The following CNTROB variants were observed in gnomAD, a reference collection of about 807,000 sequenced individuals.
CNTROB encodes centrobin, centriole duplication and spindle assembly protein.
Under a neutral mutation model 115.7 loss-of-function variants are expected in CNTROB, and 82 were observed. The ratio of observed to expected loss-of-function variants is 0.71; its 90% CI spans 0.59 to 0.85. The LOEUF (loss-of-function observed/expected upper bound fraction) is 0.85, where lower values mean the gene tolerates loss of function less well. CNTROB is among the 40% of genes least tolerant of loss of function. CNTROB has a pLI of 0.00. For synonymous variants in CNTROB, 439 were observed against 456.4 expected (o/e 0.96, Z 0.49); for missense variants, 1,014 against 1,144.4 (o/e 0.89, Z 1.64).
In CNTROB at chr17:7,936,816, AGGT is replaced by A. The variant is rs1429025030; in HGVS notation, c.828+1_828+3del. 1.7e-6 allele frequency: 2 copies of A among 1,203,752 alleles called. No homozygotes were observed. The highest frequency in any genetic ancestry group is 3.4e-5 in the Admixed American group (2 of 59,532). 74.6% of individuals were successfully genotyped at this position (1,203,752 alleles called of 1,614,324 possible). A position where few individuals can be genotyped will look rare whatever the true frequency, so the allele number is the denominator to read the frequency against. On this transcript the variant is annotated splice_donor_variant and coding_sequence_variant, in exon 6 of 19. Transcript: ENST00000563694. LOFTEE classifies it high-confidence loss of function. ...GAGCTCACCAGAAGCAAGCAGCAGG[AGGT>A]GAGCGCCCTGGAGCATATGGCATTA...
In CNTROB at chr17:7,949,144, T is replaced by TC; in HGVS notation, c.2578dup (p.Arg860ProfsTer20). 1 of 1,613,692 alleles carries TC rather than the reference T, an allele frequency of 6.2e-7. No individual in the cohort carries two copies. The highest frequency in any genetic ancestry group is 8.5e-7 in the Non-Finnish European group (1 of 1,179,898). On this transcript the variant is annotated frameshift_variant, in exon 18 of 19. Coordinates refer to ENST00000563694, the MANE Select transcript of CNTROB (RefSeq NM_053051.5). LOFTEE classifies it high-confidence loss of function. ...AACACAGACTCCCGCTTGGGTGAGATCCCCCGGAAAGAGGTGAGGGAAAGT... is the reference window on the plus strand; with the variant it reads ...AACACAGACTCCCGCTTGGGTGAGATCCCCCCGGAAAGAGGTGAGGGAAAGT...
chr17:7,949,282 C>T (rs1160658687), intron 18 of CNTROB, 103 bp from the exon 19 acceptor site: 5 of 1,583,248 alleles, frequency 3.2e-6, no homozygotes, highest in Non-Finnish European at 3.5e-6. Flanking sequence ...GCCTTTCCTC[C>T]CTGCAGACTC....
Position 7,944,545 on chromosome 17 carries a change from G to A in CNTROB, c.1641G>A (p.Val547=), listed in dbSNP as rs1271008392. The A allele has an allele frequency of 5.0e-6, 8 of 1,614,048 alleles. No individual in the cohort carries two copies. The highest frequency in any genetic ancestry group is 1.3e-5 in the African/African-American group (1 of 74,930). The change falls in exon 12 of 19, where the codon GTG becomes GTA. Residue 547 remains valine (V), a synonymous_variant. Transcript: ENST00000563694. This position sits in a 1 kb window ranked among gnomAD's most constrained non-coding sequence, Gnocchi z 4.0. ...SGNQQLEEQR[V]ELVERLQAML... ...ACCAGCAGCTGGAGGAGCAGCGGGT[G>A]GAGCTGGTGGAAAGACTGCAGGCCA...
intron 4 of CNTROB, chr17:7,935,991 C>G (rs993272795): frequency 5.3e-6 from 1 of 187,058 alleles, no homozygotes; most frequent in African/African-American, 2.4e-5. Context: ...AAGGCTTTCC[C>G]CTTTATCCTT....
At chr17:7,942,329 G>A (rs12950912) in intron 9 of CNTROB, among the ~76,000 whole-genome samples, 33,508 of 151,932 alleles carry the variant, frequency 0.22, 4,121 homozygotes, top group East Asian at 0.37. Flanking sequence ...TGGGCCATGC[G>A]CGGTGGCTCA....
rs1974231498 is a variant in CNTROB at position 7,944,108 on chromosome 17, A to G, written c.1446-15A>G. The G allele has an allele frequency of 6.2e-7, 1 of 1,602,308 alleles. No homozygotes were observed. Among genetic ancestry groups the G allele is most frequent in the Non-Finnish European group, 8.5e-7 (1 of 1,169,622 alleles). Reference sequence around the variant, plus strand: ...TCTCCAGTCTCAGGCCTCTTCTCCTACCTGTGCCCTGTAGGAAGCAGCTGC... The same window carrying G: ...TCTCCAGTCTCAGGCCTCTTCTCCTGCCTGTGCCCTGTAGGAAGCAGCTGC... On this transcript the variant is annotated splice_polypyrimidine_tract_variant and intron_variant, in intron 10 of 18. Coordinates refer to ENST00000563694, the MANE Select transcript of CNTROB (RefSeq NM_053051.5). The surrounding 1 kb of genome is among the most constrained non-coding windows in gnomAD (Gnocchi z 4.0).
chr17:7,936,523 A>G, intron 5 of CNTROB, 41 bp downstream of exon 5: 1 of 838,614 alleles, frequency 1.2e-6, no homozygotes, highest in Non-Finnish European at 2.1e-6. Flanking sequence ...CTCCATGAAG[A>G]GCATTAAGGA....
At chr17:7,934,089 G>C (rs772625822) in intron 1 of CNTROB, 49 bp from the exon 2 acceptor site, 3 of 1,489,842 alleles carry the variant, frequency 2.0e-6, no homozygotes, top group Non-Finnish European at 2.8e-6. Flanking sequence ...CAATAGGTAG[G>C]AGATAGATAA....
rs772712290 is a variant in CNTROB at position 7,933,326 on chromosome 17, T to C, written c.247T>C (p.Leu83=). ...ATTGAGTCGAAGCTTGTCAGTCGGA[T>C]TGGAAAAGAACTTGAAGAAAAAGGT... ...QELSRSLSVG[L]EKNLKKKDGS... is the part of the protein sequence containing the mutation. The change falls in exon 1 of 19, where the codon TTG becomes CTG. Residue 83 remains leucine, a synonymous_variant. Transcript: ENST00000563694. The C allele has an allele frequency of 1.9e-6, 3 of 1,613,634 alleles. No homozygotes were observed. In the Admixed American group the frequency reaches 5.0e-5, roughly 27 times the overall value.
At chr17:7,938,745 T>C (rs973525974) in intron 7 of CNTROB, among the ~76,000 whole-genome samples, 6 of 152,196 alleles carry the variant, frequency 3.9e-5, no homozygotes. Context: ...GGAACTCTTA[T>C]CTACTATATT....
Position 7,934,120 on chromosome 17 carries a change from C to T in CNTROB, c.271-18C>T. ...GATAACACAGACTGCATCTGATTTC[C>T]ATGTGGCTTTTTTCCAGGATGGTTC... On this transcript the variant is annotated intron_variant, in intron 1 of 18. Coordinates refer to ENST00000563694, the MANE Select transcript of CNTROB (RefSeq NM_053051.5). The T allele has an allele frequency of 6.2e-7, 1 of 1,608,836 alleles. No homozygotes were observed. Among genetic ancestry groups the T allele is most frequent in the Non-Finnish European group, 8.5e-7 (1 of 1,175,176 alleles).
rs145425422 is a variant in CNTROB at position 7,936,779 on chromosome 17, C to T, written c.790C>T (p.His264Tyr). ...GGTTCTCAGGGGACTTCAAGAGGAA[C>T]ACCAGGCAGCAGAGCTCACCAGAAG... The part of the protein sequence containing the change: ...TEVLRGLQEE[H>Y]QAAELTRSKQ... Residue 264 changes from histidine (H) to tyrosine (Y), a missense_variant, in exon 6 of 19, where the codon CAC (histidine) becomes TAC (tyrosine). Coordinates refer to ENST00000563694, the MANE Select transcript of CNTROB (RefSeq NM_053051.5). 6.1e-5 allele frequency: 93 copies of T among 1,535,692 alleles called. No homozygotes were observed. Among genetic ancestry groups the T allele is most frequent in the Non-Finnish European group, 8.0e-5 (89 of 1,108,356 alleles).
Position 7,947,706 on chromosome 17 carries a change from A to G in CNTROB, c.2129A>G (p.Lys710Arg), listed in dbSNP as rs896859834. 2.5e-6 allele frequency: 4 copies of G among 1,611,476 alleles called. No homozygotes were observed. Residue 710 changes from lysine to arginine, a missense_variant, in exon 14 of 19, where the codon AAG becomes AGG. Lys to Arg is a conservative substitution (Grantham distance 26). Coordinates refer to ENST00000563694, the MANE Select transcript of CNTROB (RefSeq NM_053051.5). The stretch of plus-strand genomic sequence containing the variant: ...CCGCCTGCTCAGCTGGAGGGCCTCA[A>G]GAATTTTTTGCACCAGGTAAGAGAG... ...GLPPAQLEGLKNFLHQLLETV... is the reference protein window; with the variant it reads ...GLPPAQLEGLRNFLHQLLETV...
intron 12 of CNTROB, 133 bp from the exon 13 acceptor site, chr17:7,945,595 C>T: frequency 1.1e-6 from 1 of 948,574 alleles, no homozygotes; most frequent in South Asian, 1.7e-5. Context: ...AAACGGTCCT[C>T]CCAAAGTGTT....
rs60569735 is a variant in CNTROB at position 7,942,277 on chromosome 17, G to T, written c.1312-1114G>T. On this transcript the variant is annotated intron_variant, in intron 9 of 18. Transcript: ENST00000563694. The stretch of plus-strand genomic sequence containing the variant: ...ACAAGACTCTGTCTCAGAAGTAGGG[G>T]CTGAGAAATAACCACTATTTGGATT... Among the ~76,000 whole-genome samples, 784 of 152,032 alleles carry T rather than the reference G, an allele frequency of 5.2e-3. 10 individuals carry two copies. The highest frequency in any genetic ancestry group is 0.018 in the African/African-American group (739 of 41,462).
chr17:7,947,160 C>CAAA (rs796605627), intron 13 of CNTROB, among the ~76,000 whole-genome samples: 1 of 58,514 alleles, frequency 1.7e-5, no homozygotes, highest in Non-Finnish European at 3.3e-5. Flanking sequence ...GACTCCATCT[C>CAAA]AAAAAAAAAA....
chr17:7,937,381 A>G (rs1973308707), intron 7 of CNTROB, 119 bp downstream of exon 7: 7 of 1,200,866 alleles, frequency 5.8e-6, no homozygotes, highest in South Asian at 5.2e-5. Flanking sequence ...ACTGTTTCCC[A>G]AAGTGTGTTC....
Position 7,943,525 on chromosome 17 carries a change from G to A in CNTROB, c.1445+1G>A. On this transcript the variant is annotated splice_donor_variant, in intron 10 of 18. Transcript: ENST00000563694. LOFTEE classifies it high-confidence loss of function. This position sits in a 1 kb window ranked among gnomAD's most constrained non-coding sequence, Gnocchi z 4.7. ...CAGCCTCCCTCAGGGAACATCACAG[G>A]TACGTGGGACTCACTGGGTGTCACT... 1 of 1,610,528 alleles carries A rather than the reference G, an allele frequency of 6.2e-7. No homozygotes were observed. Among genetic ancestry groups the A allele is most frequent in the South Asian group, 1.1e-5 (1 of 90,824 alleles).
At position 7,948,775 on chromosome 17, in the gene CNTROB, C is replaced by G; in HGVS notation, c.2513+156C>G. ...GATCCACAGATCTTCTCTAACTGCC[C>G]CACACTTTTCTTTTATCTCCTCCTT... On this transcript the variant is annotated intron_variant, in intron 17 of 18. Transcript: ENST00000563694. This position sits in a 1 kb window ranked among gnomAD's most constrained non-coding sequence, Gnocchi z 4.4. The G allele has an allele frequency of 6.4e-7, 1 of 1,555,944 alleles. No individual in the cohort carries two copies. The highest frequency in any genetic ancestry group is 1.2e-5 in the South Asian group (1 of 84,592).
Sources: gnomAD v4.1 joint callset for allele counts (sites outside exome capture counted in the v4.1 genomes callset) on GRCh38, gnomAD v4.1.1 for gene constraint, Gnocchi (gnomAD v3.1) non-coding constraint, MANE v1.5 for transcripts, NCBI Gene and HGNC (gene_info 2026-07-23, HGNC 2026-07-21) for gene names.